Variants in GATAD2B observed in about 807,000 individuals in gnomAD.
GATAD2B encodes the protein GATA zinc finger domain containing 2B, also known as transcriptional repressor p66-beta.
A neutral mutation model predicts 64.3 loss-of-function variants in GATAD2B; 8 were observed. The ratio of observed to expected loss-of-function variants is 0.12; its 90% CI spans 0.07 to 0.22. The LOEUF (loss-of-function observed/expected upper bound fraction) is 0.22, where lower values mean the gene tolerates loss of function less well. Among genes scored for constraint, GATAD2B ranks in the 10% least tolerant of loss-of-function variants. The pLI is 1.00. For missense variants in GATAD2B, 453 were observed against 752.0 expected (o/e 0.60, Z 4.65); for synonymous variants, 281 against 271.3 (o/e 1.04, Z -0.35).
chr1:153,908,780 T>TGG (rs71093302), intron 1 of GATAD2B, among the ~76,000 whole-genome samples: 2 of 115,958 alleles, frequency 1.7e-5, no homozygotes, highest in Non-Finnish European at 1.7e-5. Flanking sequence ...GAAACATACT[T>TGG]GGAAAAAAAA....
intron 1 of GATAD2B, among the ~76,000 whole-genome samples, chr1:153,858,470 T>C (rs991512492): frequency 2.0e-5 from 3 of 152,108 alleles, no homozygotes; most frequent in African/African-American, 7.2e-5. Flanking sequence ...CCCAGGATGG[T>C]GGCATGCACC....
chr1:153,867,211 T>G (rs1448080740), intron 1 of GATAD2B, among the ~76,000 whole-genome samples: 5 of 152,134 alleles, frequency 3.3e-5, no homozygotes, highest in Non-Finnish European at 7.4e-5. Flanking sequence ...AAGAGGAGAC[T>G]TAGATAACAT....
At chr1:153,845,128 T>C (rs1214512624) in intron 1 of GATAD2B, among the ~76,000 whole-genome samples, 2 of 152,154 alleles carry the variant, frequency 1.3e-5, no homozygotes, top group East Asian at 1.9e-4. Context: ...ATCAAACTTC[T>C]AGAGATGAAA....
intron 1 of GATAD2B, among the ~76,000 whole-genome samples, chr1:153,893,729 G>A (rs527447851): frequency 1.3e-5 from 2 of 152,000 alleles, no homozygotes; most frequent in Non-Finnish European, 2.9e-5. Context: ...GGAGGCCAAG[G>A]TGGGTGGATC....
At chr1:153,901,920 T>C (rs1403744177) in intron 1 of GATAD2B, among the ~76,000 whole-genome samples, 2 of 141,478 alleles carry the variant, frequency 1.4e-5, no homozygotes, top group African/African-American at 5.3e-5. Context: ...CTGTCTAAAA[T>C]GGCCTTGGGG....
intron 2 of GATAD2B, among the ~76,000 whole-genome samples, chr1:153,820,128 C>G (rs1403331051): frequency 6.6e-6 from 1 of 150,952 alleles, no homozygotes; most frequent in East Asian, 1.9e-4. Context: ...AATAGTCTAT[C>G]CTGTCAAGAG....
At chr1:153,861,224 A>C (rs1232289855) in intron 1 of GATAD2B, among the ~76,000 whole-genome samples, 1 of 152,082 alleles carries the variant, frequency 6.6e-6, no homozygotes, top group East Asian at 1.9e-4. Flanking sequence ...TCCATTAAAA[A>C]TATATATATT....
At chr1:153,894,998 A>C (rs1677543687) in intron 1 of GATAD2B, among the ~76,000 whole-genome samples, 1 of 152,066 alleles carries the variant, frequency 6.6e-6, no homozygotes, top group Admixed American at 6.6e-5. Flanking sequence ...ATCTCTACTA[A>C]AAATACAAAA....
At chr1:153,850,375 C>A (rs1675846149) in intron 1 of GATAD2B, among the ~76,000 whole-genome samples, 1 of 152,132 alleles carries the variant, frequency 6.6e-6, no homozygotes, top group Non-Finnish European at 1.5e-5. Flanking sequence ...ACTTGGCTCA[C>A]TGCAGCCTTC....
intron 1 of GATAD2B, among the ~76,000 whole-genome samples, chr1:153,892,163 C>CAAAAAAAAAAAAAAAAAAAA (rs900308080): frequency 4.0e-5 from 2 of 50,320 alleles, no homozygotes; most frequent in Non-Finnish European, 4.0e-5. Context: ...GACTCCGTCT[C>CAAAAAAAAAAAAAAAAAAAA]AAAAAAAAAA....
chr1:153,863,026 CTTTT>C lies in GATAD2B; in HGVS notation c.-1-34682_-1-34679del, dbSNP rs569824122. Among the ~76,000 whole-genome samples, 289 of 152,146 alleles carry C rather than the reference CTTTT, an allele frequency of 1.9e-3. 2 individuals carry two copies. Among genetic ancestry groups the C allele is most frequent in the African/African-American group, 6.5e-3 (271 of 41,538 alleles). On this transcript the variant is annotated intron_variant, in intron 1 of 10. Transcript: ENST00000368655. ...GGCATGAGGCACTGCGCCTGGCATA[CTTTT>C]TTTAAGAGAAAAAAATAAATTAAAA...
intron 1 of GATAD2B, among the ~76,000 whole-genome samples, chr1:153,913,157 A>G (rs1474231141): frequency 1.3e-5 from 2 of 151,036 alleles, no homozygotes; most frequent in African/African-American, 4.9e-5. Flanking sequence ...GGAACTGCTG[A>G]CCTCAGGCGA....
At chr1:153,900,169 G>C (rs1418958699) in intron 1 of GATAD2B, among the ~76,000 whole-genome samples, 1 of 151,930 alleles carries the variant, frequency 6.6e-6, no homozygotes, top group African/African-American at 2.4e-5. Flanking sequence ...TGTAATCCCA[G>C]CACTTTGGGA....
intron 1 of GATAD2B, among the ~76,000 whole-genome samples, chr1:153,897,552 C>T (rs1412317049): frequency 1.3e-5 from 2 of 152,148 alleles, no homozygotes; most frequent in Non-Finnish European, 2.9e-5. Flanking sequence ...AAGATGAGTG[C>T]TTCTCAGGAA....
intron 1 of GATAD2B, among the ~76,000 whole-genome samples, chr1:153,829,412 T>C (rs762871450): frequency 2.0e-5 from 3 of 152,296 alleles, no homozygotes; most frequent in Admixed American, 2.0e-4. Context: ...AAGTTTCAAT[T>C]TCATTTGTAA....
chr1:153,839,457 G>A (rs1344896040), intron 1 of GATAD2B, among the ~76,000 whole-genome samples: 2 of 152,084 alleles, frequency 1.3e-5, no homozygotes, highest in African/African-American at 4.8e-5. Flanking sequence ...CATCACATCA[G>A]AGAACAGAAA....
At chr1:153,839,108 C>CAAAGAAAAAAAA (rs1675378879) in intron 1 of GATAD2B, among the ~76,000 whole-genome samples, 1 of 78,574 alleles carries the variant, frequency 1.3e-5, no homozygotes, top group Non-Finnish European at 2.2e-5. Context: ...GACCCTGTCT[C>CAAAGAAAAAAAA]AAAAAAAAAA....
At position 153,852,049 on chromosome 1, in the gene GATAD2B, G is replaced by A. The variant is rs1024896026; in HGVS notation, c.-1-23701C>T. On this transcript the variant is annotated intron_variant, in intron 1 of 10. Transcript: ENST00000368655. Reference sequence around the variant, plus strand: ...CTAGCAGGGTTAATTTCAACATAACGAAAGGTGTTAACTGGCTGGCCGCAT... The same window carrying A: ...CTAGCAGGGTTAATTTCAACATAACAAAAGGTGTTAACTGGCTGGCCGCAT... 2.5e-5 allele frequency: 12 copies of A among 473,822 alleles called. 1 individual carries two copies. The highest frequency in any genetic ancestry group is 4.2e-5 in the South Asian group (1 of 23,648). 29.4% of individuals were successfully genotyped at this position (473,822 alleles called of 1,614,324 possible).
intron 1 of GATAD2B, among the ~76,000 whole-genome samples, chr1:153,915,197 C>G (rs1280480594): frequency 6.6e-6 from 1 of 152,008 alleles, no homozygotes; most frequent in Admixed American, 6.6e-5. Context: ...GAGGCCGAGT[C>G]AGGCGGATCA....
Sources: gnomAD v4.1 joint callset for allele counts (sites outside exome capture counted in the v4.1 genomes callset) on GRCh38, gnomAD v4.1.1 for gene constraint, MANE v1.5 for transcripts, NCBI Gene and HGNC (gene_info 2026-07-23, HGNC 2026-07-21) for gene names.